The following FSIP1 variants were observed in gnomAD, a reference collection of about 807,000 sequenced individuals.
FSIP1 encodes fibrous sheath interacting protein 1, also known as fibrous sheath-interacting protein 1.
A neutral mutation model predicts 60.9 loss-of-function variants in FSIP1; 65 were observed. The observed-to-expected ratio is 1.07, with a 90% CI of 0.87 to 1.31. The LOEUF (loss-of-function observed/expected upper bound fraction) is 1.31, where lower values mean the gene tolerates loss of function less well. Among genes scored for constraint, FSIP1 ranks in the 40% most tolerant of loss-of-function variants. FSIP1 has a pLI of 0.00. For synonymous variants in FSIP1, 209 were observed against 221.2 expected (o/e 0.94, Z 0.49); for missense variants, 675 against 665.5 (o/e 1.01, Z -0.16).
At chr15:39,682,223 A>G (rs1566883244) in intron 10 of FSIP1, among the ~76,000 whole-genome samples, 1 of 152,180 alleles carries the variant, frequency 6.6e-6, no homozygotes, top group Non-Finnish European at 1.5e-5. Flanking sequence ...ATTACTGACC[A>G]TTTTTAAATA....
intron 10 of FSIP1, among the ~76,000 whole-genome samples, chr15:39,644,383 G>A (rs1038749419): frequency 3.3e-5 from 5 of 152,092 alleles, no homozygotes; most frequent in African/African-American, 1.2e-4. Context: ...TTCGTTTCCC[G>A]GGGACAGGTC....
intron 11 of FSIP1, among the ~76,000 whole-genome samples, chr15:39,616,483 T>C (rs1891235261): frequency 6.6e-6 from 1 of 152,178 alleles, no homozygotes; most frequent in South Asian, 2.1e-4. Context: ...CAGGGAAGGC[T>C]ACAATCAGAG....
intron 9 of FSIP1, among the ~76,000 whole-genome samples, chr15:39,719,655 A>T (rs370603491): frequency 6.6e-5 from 10 of 152,232 alleles, no homozygotes; most frequent in African/African-American, 2.4e-4. Flanking sequence ...TTTCGAGACA[A>T]TGCTATACAT....
chr15:39,778,207 T>A (rs1259096879), intron 1 of FSIP1, among the ~76,000 whole-genome samples: 4 of 152,160 alleles, frequency 2.6e-5, no homozygotes, highest in African/African-American at 7.2e-5. Context: ...AAAGGCCAAA[T>A]GTCTTGTAAA....
intron 10 of FSIP1, among the ~76,000 whole-genome samples, chr15:39,700,429 T>C (rs150913149): frequency 1.7e-3 from 263 of 152,378 alleles, no homozygotes; most frequent in Non-Finnish European, 3.0e-3. Flanking sequence ...CTTGACTCTA[T>C]ACTCTTAGCA....
intron 10 of FSIP1, among the ~76,000 whole-genome samples, chr15:39,647,123 T>C (rs1178980036): frequency 1.3e-5 from 2 of 152,164 alleles, no homozygotes; most frequent in Non-Finnish European, 2.9e-5. Flanking sequence ...AATGGGGAGA[T>C]ATACATAAAA....
rs558085242 is a variant in FSIP1, at chr15:39,694,490, A to T, written c.1188+18954T>A. ...ATGACTTTATACATATTTACGTGCA[A>T]AGTTTGAATTATATTATGACTCATT... On this transcript the variant is annotated intron_variant, in intron 10 of 11. Transcript: ENST00000350221. 5.3e-5 allele frequency among the ~76,000 whole-genome samples: 8 copies of T among 152,318 alleles called. No individual in the cohort carries two copies. The South Asian group carries it at 1.7e-3, about 32-fold the overall frequency.
chr15:39,781,114 T>C (rs528846813), intron 1 of FSIP1, among the ~76,000 whole-genome samples: 2 of 152,178 alleles, frequency 1.3e-5, no homozygotes, highest in East Asian at 3.9e-4. Flanking sequence ...ATATCCAGAA[T>C]ATATAAACAA....
intron 10 of FSIP1, among the ~76,000 whole-genome samples, chr15:39,656,973 G>C (rs956258596): frequency 2.0e-5 from 3 of 152,152 alleles, no homozygotes; most frequent in Non-Finnish European, 4.4e-5. Context: ...GTGGCTCCCA[G>C]ATCTGTTCAC....
intron 10 of FSIP1, among the ~76,000 whole-genome samples, chr15:39,642,133 T>C (rs955219900): frequency 3.3e-5 from 5 of 152,164 alleles, no homozygotes; most frequent in African/African-American, 1.2e-4. Context: ...CATATTATTA[T>C]AATATCACAA....
At chr15:39,702,175 G>T (rs930313622) in intron 10 of FSIP1, among the ~76,000 whole-genome samples, 3 of 151,908 alleles carry the variant, frequency 2.0e-5, no homozygotes, top group East Asian at 2.0e-4. Context: ...TCCACTCGGG[G>T]TTAACCATTT....
chr15:39,703,243 A>G (rs896366892), intron 10 of FSIP1, among the ~76,000 whole-genome samples: 4 of 152,150 alleles, frequency 2.6e-5, no homozygotes, highest in Non-Finnish European at 4.4e-5. Context: ...CAGCCTCCCA[A>G]AGTGCTGGGA....
chr15:39,765,124 T>C (rs1897635502), intron 4 of FSIP1, among the ~76,000 whole-genome samples: 1 of 152,034 alleles, frequency 6.6e-6, no homozygotes, highest in South Asian at 2.1e-4. Context: ...CCATGACTCC[T>C]TCATATACAC....
intron 10 of FSIP1, among the ~76,000 whole-genome samples, chr15:39,642,679 T>C (rs991689993): frequency 2.2e-4 from 34 of 152,238 alleles, no homozygotes; most frequent in African/African-American, 6.5e-4. Flanking sequence ...GAAACCTTTT[T>C]TCAAGGAAGA....
chr15:39,658,515 G>T (rs1365421716), intron 10 of FSIP1, among the ~76,000 whole-genome samples: 2 of 152,134 alleles, frequency 1.3e-5, no homozygotes, highest in Non-Finnish European at 2.9e-5. Flanking sequence ...CTCCCAAAGT[G>T]CTGGGATTAC....
At chr15:39,699,077 A>C (rs967450992) in intron 10 of FSIP1, among the ~76,000 whole-genome samples, 40 of 152,312 alleles carry the variant, frequency 2.6e-4, no homozygotes, top group African/African-American at 9.6e-4. Flanking sequence ...GCTCCAACTA[A>C]GAAGGGAAAA....
chr15:39,750,510 C>A (rs1897131380), intron 5 of FSIP1, among the ~76,000 whole-genome samples: 1 of 151,752 alleles, frequency 6.6e-6, no homozygotes, highest in African/African-American at 2.4e-5. Context: ...TAAGTTTTAA[C>A]AAGGGCCCAA....
chr15:39,680,986 G>T (rs1195739625), intron 10 of FSIP1, among the ~76,000 whole-genome samples: 1 of 152,140 alleles, frequency 6.6e-6, no homozygotes. Context: ...CCATGGTCAG[G>T]CTGTGAGCCA....
chr15:39,627,467 C>T (rs150379292), intron 10 of FSIP1, among the ~76,000 whole-genome samples: 1 of 152,372 alleles, frequency 6.6e-6, no homozygotes, highest in African/African-American at 2.4e-5. Flanking sequence ...CAAGAGAATT[C>T]ATGCCCCTTG....
Sources: allele counts gnomAD v4.1 joint callset (sites outside exome capture counted in the v4.1 genomes callset), GRCh38; gene constraint gnomAD v4.1.1; transcripts MANE v1.5; gene names NCBI Gene and HGNC (gene_info 2026-07-23, HGNC 2026-07-21).